The following YIPF3 variants were observed in gnomAD, a reference collection of about 807,000 sequenced individuals.
The protein encoded by YIPF3 is Yip1 domain family member 3, also known as protein YIPF3.
A neutral mutation model predicts 40.3 loss-of-function variants in YIPF3; 18 were observed. That is an observed-to-expected ratio of 0.45 (90% confidence interval 0.31 to 0.66). The LOEUF (loss-of-function observed/expected upper bound fraction) is 0.66, where lower values mean the gene tolerates loss of function less well. YIPF3 is among the 30% of genes least tolerant of loss of function. The pLI, the probability that YIPF3 is intolerant of heterozygous loss-of-function variation, is 0.07. For synonymous variants in YIPF3, 190 were observed against 179.6 expected (o/e 1.06, Z -0.46); for missense variants, 406 against 452.2 (o/e 0.90, Z 0.93).
chr6:43,514,791 C>G (rs2127683826), intron 3 of YIPF3, among the ~76,000 whole-genome samples: 2 of 152,238 alleles, frequency 1.3e-5, no homozygotes, highest in Middle Eastern at 6.8e-3. Context: ...AAAACCAAGC[C>G]AGGATTAAAT....
Position 43,512,179 on chromosome 6 carries a change from C to T in YIPF3, c.1041G>A (p.Leu347=), listed in dbSNP as rs780553125. The T allele has an allele frequency of 5.0e-6, 8 of 1,614,064 alleles. No individual in the cohort carries two copies. In the African/African-American group the frequency reaches 1.1e-4, roughly 22 times the overall value. ...NATAKAVAVT[L]QSH is the part of the protein sequence containing the mutation. Reference sequence around the variant, plus strand: ...ATTTCAGGTGGGGTCAGTGTGACTGCAGGGTCACCGCAACAGCTTTGGCTG... The same window carrying T: ...ATTTCAGGTGGGGTCAGTGTGACTGTAGGGTCACCGCAACAGCTTTGGCTG... The change falls in exon 9 of 9, where the codon CTG becomes CTA. Residue 347 remains leucine, a synonymous_variant. Transcript: ENST00000372422.
chr6:43,512,612 G>A lies in YIPF3; in HGVS notation c.781-49C>T, dbSNP rs2231769. ...AAAGGGCCTGGCTCCAAAGTGAGGA[G>A]TGGGGACAAGACACCCCCACCCAGG... On this transcript the variant is annotated intron_variant, in intron 7 of 8. Transcript: ENST00000372422. The A allele has an allele frequency of 6.7e-3, 10,584 of 1,572,782 alleles. 503 individuals carry two copies. The African/African-American group carries it at 0.11, about 17-fold the overall frequency.
chr6:43,515,850 G>A, intron 2 of YIPF3, 39 bp downstream of exon 2: 1 of 1,584,766 alleles, frequency 6.3e-7, no homozygotes, highest in Non-Finnish European at 8.6e-7. Context: ...ACATACCTAG[G>A]TCTACTTTTC....
Position 43,512,823 on chromosome 6 carries a change from G to A in YIPF3, c.718C>T (p.His240Tyr). The A allele has an allele frequency of 6.2e-7, 1 of 1,614,082 alleles. No individual in the cohort carries two copies. Among genetic ancestry groups the A allele is most frequent in the Non-Finnish European group, 8.5e-7 (1 of 1,180,026 alleles). Reference protein sequence around the residue: ...CIVLFITYNIHLHALFYLFWL... With the variant: ...CIVLFITYNIYLHALFYLFWL... The stretch of plus-strand genomic sequence containing the variant: ...AAGAGGTAGAAGAGGGCGTGGAGGT[G>A]GATATTATAGGTGATGAACAGGACA... Residue 240 changes from histidine to tyrosine, a missense_variant, in exon 7 of 9, where the codon CAC (histidine) becomes TAC (tyrosine). By Grantham distance (83) the His-to-Tyr change is moderately conservative. Coordinates refer to ENST00000372422, the MANE Select transcript of YIPF3 (RefSeq NM_015388.4).
Position 43,516,871 on chromosome 6 carries a change from G to A in YIPF3, c.-64C>T. Reference sequence around the variant, plus strand: ...CCCGCGCGCGGAGTGGGCAAGATGTGGGCCTCCGGAAGGTAGACGTCCAGG... The same window carrying A: ...CCCGCGCGCGGAGTGGGCAAGATGTAGGCCTCCGGAAGGTAGACGTCCAGG... On this transcript the variant is annotated 5_prime_UTR_variant, in exon 1 of 9. Coordinates refer to ENST00000372422, the MANE Select transcript of YIPF3 (RefSeq NM_015388.4). 6.6e-7 allele frequency: 1 copy of A among 1,525,286 alleles called. No individual in the cohort carries two copies. Among genetic ancestry groups the A allele is most frequent in the Non-Finnish European group, 8.9e-7 (1 of 1,123,244 alleles). The allele number at this position is 1,525,286 out of a possible 1,614,324, so 94.5% of individuals were successfully genotyped here. A position where few individuals can be genotyped will look rare whatever the true frequency, so the allele number is the denominator to read the frequency against.
chr6:43,516,878 C>T lies in YIPF3; in HGVS notation c.-71G>A, dbSNP rs2231761. The stretch of plus-strand genomic sequence containing the variant: ...GCGGAGTGGGCAAGATGTGGGCCTC[C>T]GGAAGGTAGACGTCCAGGGTCGAGG... On this transcript the variant is annotated 5_prime_UTR_variant, in exon 1 of 9. Transcript: ENST00000372422. 9.3e-4 allele frequency: 1,400 copies of T among 1,505,596 alleles called. 13 individuals carry two copies. In the African/African-American group the frequency reaches 0.017, roughly 18 times the overall value. 93.3% of individuals were successfully genotyped at this position (1,505,596 alleles called of 1,614,324 possible). A position where few individuals can be genotyped will look rare whatever the true frequency, so the allele number is the denominator to read the frequency against.
intron 3 of YIPF3, among the ~76,000 whole-genome samples, chr6:43,514,180 G>A (rs190947456): frequency 6.6e-6 from 1 of 152,374 alleles, no homozygotes; most frequent in Admixed American, 6.5e-5. Flanking sequence ...AGCGGAGGTT[G>A]CAGTGAACCG....
intron 3 of YIPF3, 42 bp downstream of exon 3, chr6:43,515,547 AAGGTCT>A: frequency 6.3e-7 from 1 of 1,595,732 alleles, no homozygotes; most frequent in Non-Finnish European, 8.6e-7. Flanking sequence ...AGTGTGCATG[AAGGTCT>A]AGGTGTTAGG....
In YIPF3 at chr6:43,516,750, C is replaced by T. The variant is rs566052982; in HGVS notation, c.58G>A (p.Gly20Arg). 2.9e-4 allele frequency: 472 copies of T among 1,608,806 alleles called. 4 individuals carry two copies. The South Asian group carries it at 4.9e-3, about 17-fold the overall frequency. ...GARNGAGPEW[G>R]GFEENIQGGG... Reference sequence around the variant, plus strand: ...ACCTGGATGTTTTCTTCGAACCCTCCCCATTCCGGGCCAGCTCCATTTCGG... The same window carrying T: ...ACCTGGATGTTTTCTTCGAACCCTCTCCATTCCGGGCCAGCTCCATTTCGG... Residue 20 changes from glycine (G) to arginine (R), a missense_variant, in exon 1 of 9, where the codon GGA becomes AGA. Gly to Arg is a moderately radical substitution (Grantham distance 125). Transcript: ENST00000372422.
chr6:43,516,908 G>A lies in YIPF3; in HGVS notation c.-101C>T. On this transcript the variant is annotated 5_prime_UTR_variant, in exon 1 of 9. Coordinates refer to ENST00000372422, the MANE Select transcript of YIPF3 (RefSeq NM_015388.4). ...GGTAGACGTCCAGGGTCGAGGAGAG[G>A]TGGGATCGGCCGGAACACAAAAAGG... The A allele has an allele frequency of 1.5e-6, 2 of 1,364,334 alleles. No individual in the cohort carries two copies. The highest frequency in any genetic ancestry group is 2.0e-6 in the Non-Finnish European group (2 of 979,728). 84.5% of individuals were successfully genotyped at this position (1,364,334 alleles called of 1,614,324 possible).
intron 2 of YIPF3, 91 bp from the exon 3 acceptor site, chr6:43,515,792 C>G: frequency 6.2e-7 from 1 of 1,601,058 alleles, no homozygotes; most frequent in Non-Finnish European, 8.5e-7. Flanking sequence ...ATGGTTCTAA[C>G]TGGACAACCT....
At chr6:43,516,493 T>C in intron 1 of YIPF3, 1 of 631,292 alleles carries the variant, frequency 1.6e-6, no homozygotes, top group Non-Finnish European at 2.7e-6. Context: ...GTTCCAAGAA[T>C]ACCTTCTTCC....
rs1561854224 is a variant in YIPF3, at chr6:43,515,684, T to C, written c.306A>G (p.Lys102=). 1 of 1,614,140 alleles carries C rather than the reference T, an allele frequency of 6.2e-7. No homozygotes were observed. The highest frequency in any genetic ancestry group is 2.2e-5 in the East Asian group (1 of 44,884). ...QVADQMWQAG[K]RQASRAFSLY... ...AGCTGAAGGCCCTGGAGGCTTGTCTTTTCCCAGCCTGCCACATCTGAAGTA... is the reference window on the plus strand; with the variant it reads ...AGCTGAAGGCCCTGGAGGCTTGTCTCTTCCCAGCCTGCCACATCTGAAGTA... The change falls in exon 3 of 9, where the codon AAA becomes AAG. Residue 102 remains lysine, a synonymous_variant. Coordinates refer to ENST00000372422, the MANE Select transcript of YIPF3 (RefSeq NM_015388.4).
Position 43,512,010 on chromosome 6 carries a change from G to A in YIPF3, c.*157C>T, listed in dbSNP as rs1053314. On this transcript the variant is annotated 3_prime_UTR_variant, in exon 9 of 9. Coordinates refer to ENST00000372422, the MANE Select transcript of YIPF3 (RefSeq NM_015388.4). ...GGAGTTCTTGGCCTTGTGCCTTTCA[G>A]AAGTGCCGACAGGCATCAAGGAGGT... The A allele has an allele frequency of 2.5e-6, 3 of 1,223,760 alleles. No individual in the cohort carries two copies. Among genetic ancestry groups the A allele is most frequent in the African/African-American group, 1.5e-5 (1 of 66,106 alleles). The allele number at this position is 1,223,760 out of a possible 1,614,324, so 75.8% of individuals were successfully genotyped here.
In YIPF3 at chr6:43,516,860, G is replaced by C; in HGVS notation, c.-53C>G. The C allele has an allele frequency of 6.5e-7, 1 of 1,544,684 alleles. No homozygotes were observed. Among genetic ancestry groups the C allele is most frequent in the Non-Finnish European group, 8.8e-7 (1 of 1,140,200 alleles). ...CCCGCGCTAGCCCCGCGCGCGGAGT[G>C]GGCAAGATGTGGGCCTCCGGAAGGT... On this transcript the variant is annotated 5_prime_UTR_variant, in exon 1 of 9. Transcript: ENST00000372422.
rs530786980 is a variant in YIPF3, at chr6:43,514,699, G to A, written c.395+896C>T. On this transcript the variant is annotated intron_variant, in intron 3 of 8. Transcript: ENST00000372422. ...CTGAACCAGATACGATTAGTTTAGC[G>A]TCTGGCACAGAGCAAATGCTTAATA... Among the ~76,000 whole-genome samples the A allele has an allele frequency of 5.3e-5, 8 of 152,316 alleles. No individual in the cohort carries two copies. In the South Asian group the frequency reaches 1.4e-3, roughly 28 times the overall value.
chr6:43,515,439 C>A, intron 3 of YIPF3, 156 bp downstream of exon 3: 1 of 731,228 alleles, frequency 1.4e-6, no homozygotes. Flanking sequence ...AGATGGTGTG[C>A]TATTATTACT....
At position 43,516,906 on chromosome 6, in the gene YIPF3, A is replaced by C; in HGVS notation, c.-99T>G. Reference sequence around the variant, plus strand: ...AAGGTAGACGTCCAGGGTCGAGGAGAGGTGGGATCGGCCGGAACACAAAAA... The same window carrying C: ...AAGGTAGACGTCCAGGGTCGAGGAGCGGTGGGATCGGCCGGAACACAAAAA... On this transcript the variant is annotated 5_prime_UTR_variant, in exon 1 of 9. Coordinates refer to ENST00000372422, the MANE Select transcript of YIPF3 (RefSeq NM_015388.4). 5.8e-6 allele frequency: 8 copies of C among 1,369,772 alleles called. No homozygotes were observed. The highest frequency in any genetic ancestry group is 6.1e-6 in the Non-Finnish European group (6 of 985,030). 84.9% of individuals were successfully genotyped at this position (1,369,772 alleles called of 1,614,324 possible). A position where few individuals can be genotyped will look rare whatever the true frequency, so the allele number is the denominator to read the frequency against.
intron 1 of YIPF3, 184 bp downstream of exon 1, chr6:43,516,543 C>T: frequency 1.4e-6 from 1 of 697,432 alleles, no homozygotes; most frequent in South Asian, 2.0e-5. Flanking sequence ...GATCCTCAGG[C>T]TGGAGTAGTA....
Sources: gnomAD v4.1 joint callset for allele counts (sites outside exome capture counted in the v4.1 genomes callset) on GRCh38, gnomAD v4.1.1 for gene constraint, MANE v1.5 for transcripts, NCBI Gene and HGNC (gene_info 2026-07-23, HGNC 2026-07-21) for gene names.